The following XKR4 variants were observed in gnomAD, a reference collection of about 807,000 sequenced individuals.
The protein encoded by XKR4 is XK-related protein 4.
In XKR4, 12 loss-of-function variants were observed where a neutral mutation model predicts 53.9. The observed-to-expected ratio is 0.22, with a 90% CI of 0.14 to 0.36. XKR4 has a LOEUF of 0.36. Among genes scored for constraint, XKR4 ranks in the 10% least tolerant of loss-of-function variants. The pLI is 1.00. For missense variants in XKR4, 799 were observed against 859.5 expected, an observed-to-expected ratio of 0.93 and a Z score of 0.88; for synonymous variants, 354 against 362.4, an observed-to-expected ratio of 0.98 and a Z score of 0.26.
chr8:55,299,786 AG>A (rs1443266857), intron 1 of XKR4, among the ~76,000 whole-genome samples: 1 of 152,108 alleles, frequency 6.6e-6, no homozygotes, highest in East Asian at 1.9e-4. Context: ...GGTGGGATAT[AG>A]GGAAAGCAGC....
At chr8:55,264,734 C>T (rs1368584196) in intron 1 of XKR4, among the ~76,000 whole-genome samples, 1 of 152,182 alleles carries the variant, frequency 6.6e-6, no homozygotes, top group Admixed American at 6.5e-5. Flanking sequence ...ATAGAAAACC[C>T]TGAATTGAGA....
chr8:55,109,979 G>A (rs892815930), intron 1 of XKR4, among the ~76,000 whole-genome samples: 1 of 152,172 alleles, frequency 6.6e-6, no homozygotes, highest in Admixed American at 6.6e-5. Context: ...AACAAATAAT[G>A]TACTGATTCT....
intron 1 of XKR4, among the ~76,000 whole-genome samples, chr8:55,119,285 C>T (rs889961820): frequency 3.3e-5 from 5 of 152,052 alleles, no homozygotes; most frequent in African/African-American, 1.2e-4. Context: ...AAGTCCCTCC[C>T]AGAAGAGACT....
At position 55,525,298 on chromosome 8, in the gene XKR4, G is replaced by A. The variant is rs1806866635; in HGVS notation, c.*1071G>A. The stretch of plus-strand genomic sequence containing the variant: ...ACTGACGTGGAAGCCCCAAACAACT[G>A]AGAATGAGTGGCATGAGCCCCCTAA... On this transcript the variant is annotated 3_prime_UTR_variant, in exon 3 of 3. Coordinates refer to ENST00000327381, the MANE Select transcript of XKR4 (RefSeq NM_052898.2). 6.5e-6 allele frequency: 1 copy of A among 152,672 alleles called. No homozygotes were observed. The highest frequency in any genetic ancestry group is 1.5e-5 in the Non-Finnish European group (1 of 68,088). 9.5% of individuals were successfully genotyped at this position (152,672 alleles called of 1,614,324 possible).
At chr8:55,332,060 G>A (rs1427648192) in intron 1 of XKR4, among the ~76,000 whole-genome samples, 1 of 151,640 alleles carries the variant, frequency 6.6e-6, no homozygotes, top group South Asian at 2.1e-4. Context: ...TTGATTTTTT[G>A]TGGTGACATG....
At chr8:55,518,983 T>C (rs1806757236) in intron 2 of XKR4, among the ~76,000 whole-genome samples, 1 of 152,268 alleles carries the variant, frequency 6.6e-6, no homozygotes, top group African/African-American at 2.4e-5. Flanking sequence ...GAAGGCGCTC[T>C]TATAGAGGAG....
At position 55,289,719 on chromosome 8, in the gene XKR4, GAA is replaced by G. The variant is rs1198439916; in HGVS notation, c.807-67957_807-67956del. Among the ~76,000 whole-genome samples, 25 of 51,940 alleles carry G rather than the reference GAA, an allele frequency of 4.8e-4. No individual in the cohort carries two copies. In the South Asian group the frequency reaches 0.02, roughly 41 times the overall value. 34.1% of individuals were successfully genotyped at this position (51,940 alleles called of 152,430 possible). A position where few individuals can be genotyped will look rare whatever the true frequency, so the allele number is the denominator to read the frequency against. On this transcript the variant is annotated intron_variant, in intron 1 of 2. Transcript: ENST00000327381. ...AGAGAAAGAAAGAAAGAAAGAGAGA[GAA>G]AGAGAAAGAAAGAAAGAAAGAAAAA... is the stretch of plus-strand genomic sequence containing the variant.
At chr8:55,495,835 T>G (rs1806338599) in intron 2 of XKR4, among the ~76,000 whole-genome samples, 1 of 152,250 alleles carries the variant, frequency 6.6e-6, no homozygotes, top group Non-Finnish European at 1.5e-5. Context: ...TGCTACTGCC[T>G]CTTCGCTGCA....
rs142676093 is a variant in XKR4, at chr8:55,122,709, C to T, written c.806+19415C>T. Reference sequence around the variant, plus strand: ...ATGAATGCTCTGAAATTCCACTGGACAAACGTGAGATGCAATAACAATTGA... The same window carrying T: ...ATGAATGCTCTGAAATTCCACTGGATAAACGTGAGATGCAATAACAATTGA... On this transcript the variant is annotated intron_variant, in intron 1 of 2. Transcript: ENST00000327381. Among the ~76,000 whole-genome samples, 110 of 152,212 alleles carry T rather than the reference C, an allele frequency of 7.2e-4. 1 individual carries two copies. In the East Asian group the frequency reaches 0.017, roughly 24 times the overall value.
intron 2 of XKR4, among the ~76,000 whole-genome samples, chr8:55,377,976 T>C (rs560114231): frequency 3.9e-5 from 6 of 152,328 alleles, no homozygotes; most frequent in African/African-American, 1.2e-4. Context: ...TATTCGATGC[T>C]CGAGGCAACC....
chr8:55,453,065 G>A (rs1048681046), intron 2 of XKR4: 1 of 595,476 alleles, frequency 1.7e-6, no homozygotes, highest in Non-Finnish European at 3.3e-6. Flanking sequence ...TCCTGGGCTG[G>A]GGCCTGATCC....
At chr8:55,450,419 T>G in intron 2 of XKR4, 1 of 573,004 alleles carries the variant, frequency 1.7e-6, no homozygotes, top group South Asian at 1.9e-5. Context: ...ATGGCTGTCC[T>G]CTTGCTCATC....
At chr8:55,377,003 A>G (rs564891938) in intron 2 of XKR4, among the ~76,000 whole-genome samples, 31 of 150,874 alleles carry the variant, frequency 2.1e-4, no homozygotes, top group Non-Finnish European at 3.8e-4. Context: ...CGGACCCACA[A>G]ATATACCTGG....
chr8:55,511,509 C>T (rs1287630221), intron 2 of XKR4, among the ~76,000 whole-genome samples: 1 of 152,100 alleles, frequency 6.6e-6, no homozygotes, highest in Non-Finnish European at 1.5e-5. Flanking sequence ...GGGAGGAACC[C>T]CCACATATAG....
intron 2 of XKR4, among the ~76,000 whole-genome samples, chr8:55,487,745 T>C (rs530585267): frequency 9.9e-5 from 15 of 152,256 alleles, no homozygotes; most frequent in Middle Eastern, 3.4e-3. Flanking sequence ...CTGGGATTGA[T>C]TACAGGCGTA....
intron 2 of XKR4, among the ~76,000 whole-genome samples, chr8:55,438,064 G>GT: frequency 6.6e-6 from 1 of 152,192 alleles, no homozygotes; most frequent in East Asian, 1.9e-4. Flanking sequence ...GAAGGAAGAC[G>GT]TAACAGCCAG....
intron 2 of XKR4, among the ~76,000 whole-genome samples, chr8:55,482,074 T>A (rs918472166): frequency 6.6e-6 from 1 of 152,044 alleles, no homozygotes; most frequent in Non-Finnish European, 1.5e-5. Context: ...ATAAATCATG[T>A]TGCTATAAAG....
At chr8:55,291,020 T>C (rs1196412909) in intron 1 of XKR4, among the ~76,000 whole-genome samples, 2 of 152,210 alleles carry the variant, frequency 1.3e-5, no homozygotes, top group African/African-American at 4.8e-5. Flanking sequence ...TTTACTGGGA[T>C]CCATTGTAAA....
In XKR4 at chr8:55,289,695, G is replaced by A. The variant is rs562166567; in HGVS notation, c.807-67983G>A. On this transcript the variant is annotated intron_variant, in intron 1 of 2. Transcript: ENST00000327381. ...AAAGAAAGAGAAAGAAAGAAAGAAA[G>A]AGAAAGAAAGAAAGAAAGAGAGAGA... Among the ~76,000 whole-genome samples the A allele has an allele frequency of 1.4e-3, 119 of 87,796 alleles. 2 individuals carry two copies. The highest frequency in any genetic ancestry group is 3.8e-3 in the African/African-American group (116 of 30,316). The allele number at this position is 87,796 out of a possible 152,430, so 57.6% of individuals were successfully genotyped here. A position where few individuals can be genotyped will look rare whatever the true frequency, so the allele number is the denominator to read the frequency against.
Sources: allele counts gnomAD v4.1 joint callset (sites outside exome capture counted in the v4.1 genomes callset), GRCh38; gene constraint gnomAD v4.1.1; transcripts MANE v1.5; gene names NCBI Gene and HGNC (gene_info 2026-07-23, HGNC 2026-07-21).